Variants in SMAD6 observed in about 807,000 individuals in gnomAD.
The protein encoded by SMAD6 is SMAD family member 6, also known as MAD homolog 6.
SMAD6 carries 103 observed loss-of-function variants against 39.4 expected under a neutral mutation model. The ratio of observed to expected loss-of-function variants is 2.62; its 90% confidence interval spans 2.23 to 3.08. SMAD6 has a LOEUF of 3.08. SMAD6 is among the 30% of genes most tolerant of loss of function. The probability of loss-of-function intolerance (pLI) is 0.00; values close to 1 mark genes in which losing one functional copy is unlikely to be tolerated. For synonymous variants in SMAD6, 445 were observed against 353.3 expected (o/e 1.26, Z -2.91); for missense variants, 1,104 against 742.9 (o/e 1.49, Z -5.65).
At chr15:66,771,508 C>T (rs1894378792) in intron 3 of SMAD6, among the ~76,000 whole-genome samples, 1 of 152,194 alleles carries the variant, frequency 6.6e-6, no homozygotes, top group African/African-American at 2.4e-5. Flanking sequence ...AAACCCTTGG[C>T]CTCCAGAGGG....
chr15:66,756,798 A>T (rs763672723), intron 3 of SMAD6, among the ~76,000 whole-genome samples: 3 of 152,236 alleles, frequency 2.0e-5, no homozygotes, highest in African/African-American at 4.8e-5. Flanking sequence ...GGTTTGCAGC[A>T]TGAGCTGTGT....
In SMAD6 at chr15:66,781,059, C is replaced by G. The variant is rs1444388251; in HGVS notation, c.1015C>G (p.His339Asp). 1 of 1,603,300 alleles carries G rather than the reference C, an allele frequency of 6.2e-7. No individual in the cohort carries two copies. Among genetic ancestry groups the G allele is most frequent in the Non-Finnish European group, 8.5e-7 (1 of 1,178,378 alleles). ...CTGGTGCAGCGTGGCGTACTGGGAG[C>G]ACCGGACGCGCGTGGGCCGCCTCTA... ...SHWCSVAYWE[H>D]RTRVGRLYAV... is the part of the protein sequence containing the mutation. Residue 339 changes from histidine (H) to aspartate (D), a missense_variant, in exon 4 of 4, where the codon CAC becomes GAC. By Grantham distance (81) the His-to-Asp change is moderately conservative (BLOSUM62 -1). Coordinates refer to ENST00000288840, the MANE Select transcript of SMAD6 (RefSeq NM_005585.5).
In SMAD6 at chr15:66,703,289, C is replaced by G. The variant is rs758261886; in HGVS notation, c.31C>G (p.Arg11Gly). Residue 11 changes from arginine to glycine, a missense_variant, in exon 1 of 4, where the codon CGG becomes GGG. By Grantham distance (125) the Arg-to-Gly change is moderately radical. Transcript: ENST00000288840. Reference protein sequence around the residue: MFRSKRSGLVRRLWRSRVVPD... With the variant: MFRSKRSGLVGRLWRSRVVPD... ...CAGGTCCAAACGCTCGGGGCTGGTG[C>G]GGCGACTTTGGCGAAGTCGTGTGGT... 3.4e-6 allele frequency: 5 copies of G among 1,490,300 alleles called. No individual in the cohort carries two copies. Among genetic ancestry groups the G allele is most frequent in the South Asian group, 1.3e-5 (1 of 78,144 alleles). The allele number at this position is 1,490,300 out of a possible 1,614,324, so 92.3% of individuals were successfully genotyped here.
At chr15:66,749,050 G>A (rs1893954428) in intron 3 of SMAD6, among the ~76,000 whole-genome samples, 1 of 152,224 alleles carries the variant, frequency 6.6e-6, no homozygotes, top group Non-Finnish European at 1.5e-5. Flanking sequence ...TGGGCTGGGT[G>A]TGGTGGTTCA....
rs888362776 is a variant in SMAD6 at position 66,702,982 on chromosome 15, G to A, written c.-277G>A. ...CCCCTAAAGCGCGGGGGCTGGAGTT[G>A]TTGAGCAGCCCCGCCGCTGTGGTCC... is the stretch of plus-strand genomic sequence containing the variant. On this transcript the variant is annotated 5_prime_UTR_variant, in exon 1 of 4. Coordinates refer to ENST00000288840, the MANE Select transcript of SMAD6 (RefSeq NM_005585.5). The A allele has an allele frequency of 6.3e-6, 2 of 315,280 alleles. No homozygotes were observed. Among genetic ancestry groups the A allele is most frequent in the African/African-American group, 2.2e-5 (1 of 46,418 alleles). The allele number at this position is 315,280 out of a possible 1,614,324, so 19.5% of individuals were successfully genotyped here.
intron 2 of SMAD6, 110 bp from the exon 3 acceptor site, chr15:66,716,311 C>A: frequency 1.3e-6 from 1 of 791,384 alleles, no homozygotes; most frequent in Non-Finnish European, 2.2e-6. Context: ...CTGCCCTTTG[C>A]AAGCACACAC....
Position 66,782,508 on chromosome 15 carries a change from C to T in SMAD6, c.*973C>T, listed in dbSNP as rs962799220. 1 of 152,188 alleles carries T rather than the reference C, an allele frequency of 6.6e-6. No homozygotes were observed. The highest frequency in any genetic ancestry group is 1.5e-5 in the Non-Finnish European group (1 of 68,038). 9.4% of individuals were successfully genotyped at this position (152,188 alleles called of 1,614,324 possible). A position where few individuals can be genotyped will look rare whatever the true frequency, so the allele number is the denominator to read the frequency against. ...TTTCCCACCCCCCAGCCAAAAATAG[C>T]TCAGAATCTGCCCATCCAGGGCTGT... is the stretch of plus-strand genomic sequence containing the variant. On this transcript the variant is annotated 3_prime_UTR_variant, in exon 4 of 4. Coordinates refer to ENST00000288840, the MANE Select transcript of SMAD6 (RefSeq NM_005585.5).
In SMAD6 at chr15:66,711,657, C is replaced by T. The variant is rs766626508; in HGVS notation, c.818-11C>T. 37 of 1,612,156 alleles carry T rather than the reference C, an allele frequency of 2.3e-5. No homozygotes were observed. The Admixed American group carries it at 4.2e-4, about 18-fold the overall frequency. The stretch of plus-strand genomic sequence containing the variant: ...AACCCTGGCAGTGACATGCTGTCTC[C>T]TGTCTTCCAGAATCTCCGCCACCTC... On this transcript the variant is annotated splice_polypyrimidine_tract_variant and intron_variant, in intron 1 of 3. Transcript: ENST00000288840.
chr15:66,739,815 G>C (rs1477497871), intron 3 of SMAD6, among the ~76,000 whole-genome samples: 1 of 152,100 alleles, frequency 6.6e-6, no homozygotes, highest in African/African-American at 2.4e-5. Flanking sequence ...ATTTTAATTA[G>C]TTTTTTTAAG....
Position 66,781,066 on chromosome 15 carries a change from C to G in SMAD6, c.1022C>G (p.Thr341Arg), listed in dbSNP as rs151259317. 6.2e-7 allele frequency: 1 copy of G among 1,604,142 alleles called. No individual in the cohort carries two copies. Residue 341 changes from threonine (T) to arginine (R), a missense_variant, in exon 4 of 4, where the codon ACG (threonine) becomes AGG (arginine). Coordinates refer to ENST00000288840, the MANE Select transcript of SMAD6 (RefSeq NM_005585.5). ...AGCGTGGCGTACTGGGAGCACCGGA[C>G]GCGCGTGGGCCGCCTCTATGCGGTG... ...WCSVAYWEHR[T>R]RVGRLYAVYD... is the part of the protein sequence containing the mutation.
intron 3 of SMAD6, chr15:66,717,251 C>A: frequency 1.5e-6 from 1 of 677,104 alleles, no homozygotes; most frequent in Non-Finnish European, 2.3e-6. Context: ...GACTGACAGC[C>A]CCTCAGGCTG....
chr15:66,710,906 T>C (rs1268016159), intron 1 of SMAD6, among the ~76,000 whole-genome samples: 1 of 152,220 alleles, frequency 6.6e-6, no homozygotes, highest in African/African-American at 2.4e-5. Context: ...TGGAAGTGAC[T>C]GGCTTAAGGC....
Position 66,704,030 on chromosome 15 carries a change from A to G in SMAD6, c.772A>G (p.Thr258Ala), listed in dbSNP as rs1486794519. The change falls in exon 1 of 4, where the codon ACC becomes GCC. Residue 258 changes from threonine (T) to alanine (A), a missense_variant. Thr to Ala is a moderately conservative substitution (Grantham distance 58). Transcript: ENST00000288840. ...CTTCGCCGCCGCCGCCGACGGCCCT[A>G]CCGTGTGCTGCAACCCCTACCACTT... ...HSFAAAADGP[T>A]VCCNPYHFSR... is the part of the protein sequence containing the mutation. 2.0e-6 allele frequency: 3 copies of G among 1,513,022 alleles called. No individual in the cohort carries two copies. The highest frequency in any genetic ancestry group is 1.4e-5 in the African/African-American group (1 of 69,540). The allele number at this position is 1,513,022 out of a possible 1,614,324, so 93.7% of individuals were successfully genotyped here. A position where few individuals can be genotyped will look rare whatever the true frequency, so the allele number is the denominator to read the frequency against.
chr15:66,724,845 TC>T (rs1893494008), intron 3 of SMAD6, among the ~76,000 whole-genome samples: 1 of 148,090 alleles, frequency 6.8e-6, no homozygotes, highest in Admixed American at 7.1e-5. Flanking sequence ...AGGCAGGGTG[TC>T]GGGTGCCTGT....
Position 66,712,129 on chromosome 15 carries a change from AG to A in SMAD6, c.874+407del, listed in dbSNP as rs1398710853. Among the ~76,000 whole-genome samples the A allele has an allele frequency of 5.3e-5, 8 of 152,310 alleles. No homozygotes were observed. In the East Asian group the frequency reaches 1.5e-3, roughly 29 times the overall value. ...TGTATTAATTAGTAGTATGACAAAT[AG>A]GTTGGGCATGAAGTCTTTGTTGAGA... On this transcript the variant is annotated intron_variant, in intron 2 of 3. Transcript: ENST00000288840.
chr15:66,712,503 AC>A (rs1893250850), intron 2 of SMAD6, among the ~76,000 whole-genome samples: 1 of 152,068 alleles, frequency 6.6e-6, no homozygotes, highest in South Asian at 2.1e-4. Flanking sequence ...ACATGGTGAA[AC>A]CCTGTCTCTA....
At chr15:66,754,397 G>A (rs948965653) in intron 3 of SMAD6, among the ~76,000 whole-genome samples, 4 of 152,078 alleles carry the variant, frequency 2.6e-5, no homozygotes, top group Non-Finnish European at 4.4e-5. Context: ...AGCCTCCTCC[G>A]ACCACCTTCC....
chr15:66,768,984 G>T (rs1894335833), intron 3 of SMAD6, among the ~76,000 whole-genome samples: 1 of 152,194 alleles, frequency 6.6e-6, no homozygotes, highest in South Asian at 2.1e-4. Context: ...CACAGAAGAG[G>T]GGTGTGTGAT....
chr15:66,746,009 G>A (rs1893901196), intron 3 of SMAD6, among the ~76,000 whole-genome samples: 1 of 152,198 alleles, frequency 6.6e-6, no homozygotes, highest in Non-Finnish European at 1.5e-5. Flanking sequence ...TTAGGGATGT[G>A]TACTAGTGCC....
Sources: allele counts gnomAD v4.1 joint callset (sites outside exome capture counted in the v4.1 genomes callset), GRCh38; gene constraint gnomAD v4.1.1; transcripts MANE v1.5; gene names NCBI Gene and HGNC (gene_info 2026-07-23, HGNC 2026-07-21).